PDE8A: variants seen among roughly 807,000 people sequenced by gnomAD.
The protein encoded by PDE8A is phosphodiesterase 8A.
Under a neutral mutation model 105.0 loss-of-function variants are expected in PDE8A, and 59 were observed. That is an observed-to-expected ratio of 0.56 (90% CI 0.46 to 0.70). PDE8A has a LOEUF of 0.70. Ranked by LOEUF, PDE8A falls within the 30% of genes least tolerant of loss-of-function variation. The probability of loss-of-function intolerance (pLI) is 0.00; values close to 1 mark genes in which losing one functional copy is unlikely to be tolerated. For missense variants in PDE8A, 1,014 were observed against 1,045.9 expected (o/e 0.97, Z 0.42); for synonymous variants, 355 against 371.9 (o/e 0.95, Z 0.52).
intron 1 of PDE8A, among the ~76,000 whole-genome samples, chr15:85,040,387 A>AAAAG (rs1446865116): frequency 2.0e-5 from 3 of 149,414 alleles, no homozygotes; most frequent in Admixed American, 2.0e-4. Context: ...AAAAAAAAAA[A>AAAAG]AAAGAAAAGA....
intron 5 of PDE8A, among the ~76,000 whole-genome samples, chr15:85,078,018 G>A: frequency 6.6e-6 from 1 of 151,714 alleles, no homozygotes; most frequent in Non-Finnish European, 1.5e-5. Flanking sequence ...TAGAACAGAG[G>A]AAATATTTGA....
At chr15:85,071,847 G>A (rs2081316080) in intron 3 of PDE8A, among the ~76,000 whole-genome samples, 1 of 152,172 alleles carries the variant, frequency 6.6e-6, no homozygotes. Context: ...AATGAGGGGG[G>A]AAAGAACAGC....
intron 1 of PDE8A, among the ~76,000 whole-genome samples, chr15:85,030,826 T>G (rs768322834): frequency 1.3e-5 from 2 of 152,238 alleles, no homozygotes; most frequent in African/African-American, 4.8e-5. Flanking sequence ...TGGAAAACTT[T>G]TGTGATTTTT....
intron 20 of PDE8A, among the ~76,000 whole-genome samples, chr15:85,132,559 G>C (rs1464101592): frequency 6.6e-6 from 1 of 152,098 alleles, no homozygotes; most frequent in African/African-American, 2.4e-5. Flanking sequence ...TCTGCCTCTT[G>C]GGTTTAAGTG....
intron 1 of PDE8A, among the ~76,000 whole-genome samples, chr15:85,060,596 A>G (rs77255035): frequency 0.13 from 19,616 of 152,236 alleles, 1,695 homozygotes; most frequent in Middle Eastern, 0.2. Context: ...TTTCATATAT[A>G]TGGGTGTTCC....
At chr15:85,118,626 CCTCAACAAT>C (rs1181141860) in intron 17 of PDE8A, among the ~76,000 whole-genome samples, 5 of 152,248 alleles carry the variant, frequency 3.3e-5, no homozygotes, top group African/African-American at 1.2e-4. Flanking sequence ...TCCACACTCA[CCTCAACAAT>C]GAGCTCCTCT....
chr15:85,039,713 G>T (rs146673851), intron 1 of PDE8A, among the ~76,000 whole-genome samples: 1 of 152,272 alleles, frequency 6.6e-6, no homozygotes, highest in East Asian at 1.9e-4. Context: ...CAATCGATGT[G>T]CTGATCCACA....
intron 1 of PDE8A, among the ~76,000 whole-genome samples, chr15:85,051,203 G>A (rs895795498): frequency 6.6e-6 from 1 of 152,152 alleles, no homozygotes; most frequent in Non-Finnish European, 1.5e-5. Flanking sequence ...AGGCTTTTGT[G>A]TATGTGTGTG....
At chr15:85,027,377 A>G (rs1003057557) in intron 1 of PDE8A, among the ~76,000 whole-genome samples, 2 of 152,238 alleles carry the variant, frequency 1.3e-5, no homozygotes, top group African/African-American at 4.8e-5. Context: ...ATAAAGAGAC[A>G]GCTACCTCGC....
At chr15:84,981,747 C>A (rs2079711053), upstream of PDE8A, among the ~76,000 whole-genome samples, 1 of 151,200 alleles carries the variant, frequency 6.6e-6, no homozygotes, top group South Asian at 2.1e-4. Flanking sequence ...CTCGCCTCCC[C>A]CGGGGGTCGT....
intron 1 of PDE8A, among the ~76,000 whole-genome samples, chr15:84,987,581 C>T (rs1304293105): frequency 6.7e-6 from 1 of 150,088 alleles, no homozygotes; most frequent in African/African-American, 2.5e-5. Flanking sequence ...AAGCAATTCG[C>T]ATGCCTTAGC....
upstream of PDE8A, among the ~76,000 whole-genome samples, chr15:84,981,782 G>A (rs1255313067): frequency 6.6e-6 from 1 of 151,166 alleles, no homozygotes; most frequent in Admixed American, 6.6e-5. Context: ...AGGGCAGCGT[G>A]GCTCGCGCGG....
intron 1 of PDE8A, among the ~76,000 whole-genome samples, chr15:85,055,573 T>G (rs2081046882): frequency 6.6e-6 from 1 of 152,250 alleles, no homozygotes; most frequent in Non-Finnish European, 1.5e-5. Flanking sequence ...AATGGCTTTC[T>G]TGGTCTCTTT....
At chr15:85,096,155 G>A (rs574450401) in intron 8 of PDE8A, among the ~76,000 whole-genome samples, 3 of 152,262 alleles carry the variant, frequency 2.0e-5, no homozygotes, top group African/African-American at 7.2e-5. Flanking sequence ...GATCACAGGC[G>A]TGAGCCACTG....
At chr15:84,997,001 C>G (rs2079990169) in intron 1 of PDE8A, among the ~76,000 whole-genome samples, 1 of 152,018 alleles carries the variant, frequency 6.6e-6, no homozygotes, top group South Asian at 2.1e-4. Flanking sequence ...TACACTTAGG[C>G]TACACTAAAT....
At chr15:84,989,330 T>A (rs912574313) in intron 1 of PDE8A, among the ~76,000 whole-genome samples, 1 of 152,204 alleles carries the variant, frequency 6.6e-6, no homozygotes, top group Admixed American at 6.5e-5. Flanking sequence ...TCTGTATTGG[T>A]TGGAAATAGA....
chr15:84,981,616 G>T (rs1184813414), upstream of PDE8A, among the ~76,000 whole-genome samples: 4 of 152,110 alleles, frequency 2.6e-5, no homozygotes, highest in Non-Finnish European at 5.9e-5. Flanking sequence ...GCCTGGGGGG[G>T]CTTTTCCGCG....
At chr15:85,060,756 A>G (rs111375082) in intron 1 of PDE8A, among the ~76,000 whole-genome samples, 11 of 152,210 alleles carry the variant, frequency 7.2e-5, no homozygotes, top group East Asian at 3.8e-4. Context: ...TTTTAGACCA[A>G]TGATTTTTTT....
intron 12 of PDE8A, among the ~76,000 whole-genome samples, chr15:85,110,075 G>A (rs2081999495): frequency 1.3e-5 from 2 of 152,200 alleles, no homozygotes; most frequent in Non-Finnish European, 1.5e-5. Flanking sequence ...AGAGGATTGT[G>A]TGAGGATTCA....
Sources: allele counts gnomAD v4.1 joint callset (sites outside exome capture counted in the v4.1 genomes callset), GRCh38; gene constraint gnomAD v4.1.1; transcripts MANE v1.5; gene names NCBI Gene and HGNC (gene_info 2026-07-23, HGNC 2026-07-21).